The following USP40 variants were observed in gnomAD, a reference collection of about 807,000 sequenced individuals.
USP40 encodes ubiquitin carboxyl-terminal hydrolase 40.
A neutral mutation model predicts 166.2 loss-of-function variants in USP40; 143 were observed. The ratio of observed to expected loss-of-function variants is 0.86; its 90% confidence interval spans 0.75 to 0.99. The LOEUF is 0.99. Ranked by LOEUF, USP40 falls within the 50% of genes least tolerant of loss-of-function variation. The pLI is 0.00. For synonymous variants in USP40, 498 were observed against 524.0 expected (o/e 0.95, Z 0.68); for missense variants, 1,444 against 1,479.7 (o/e 0.98, Z 0.40).
chr2:233,491,936 T>C (rs2065375702), intron 25 of USP40, among the ~76,000 whole-genome samples: 1 of 152,224 alleles, frequency 6.6e-6, no homozygotes, highest in South Asian at 2.1e-4. Context: ...ATGCCACTAA[T>C]GCATAGCAAG....
chr2:233,554,306 G>T, intron 6 of USP40, 74 bp downstream of exon 6: 1 of 1,418,812 alleles, frequency 7.0e-7, no homozygotes, highest in South Asian at 1.8e-5. Context: ...ATATCCTCGA[G>T]ACTTTTTCAT....
intron 21 of USP40, among the ~76,000 whole-genome samples, chr2:233,506,321 C>G (rs985199766): frequency 6.6e-6 from 1 of 152,120 alleles, no homozygotes; most frequent in Non-Finnish European, 1.5e-5. Flanking sequence ...ACTAGATTCC[C>G]TAACTCTCAC....
At chr2:233,517,542 G>A (rs1461430675) in intron 18 of USP40, among the ~76,000 whole-genome samples, 3 of 152,004 alleles carry the variant, frequency 2.0e-5, no homozygotes, top group African/African-American at 7.3e-5. Flanking sequence ...ACACCACCAC[G>A]CCTGGCTAAT....
chr2:233,523,039 T>G, intron 16 of USP40, 131 bp downstream of exon 16: 1 of 1,059,816 alleles, frequency 9.4e-7, no homozygotes, highest in Non-Finnish European at 1.3e-6. Context: ...GTATGCAATA[T>G]TTAGAACATA....
Position 233,491,220 on chromosome 2 carries a change from A to G in USP40, c.2959T>C (p.Leu987=), listed in dbSNP as rs571513214. Residue 987 remains leucine (L), a synonymous_variant, in exon 26 of 32, where the codon TTG becomes CTG. Coordinates refer to ENST00000678225, the MANE Select transcript of USP40 (RefSeq NM_001365479.2). ...NEPAQVSLLY[L]GDIEISEDAT... is the part of the protein sequence containing the mutation. ...TCTTCTGAGATCTCTATGTCTCCCA[A>G]GTAGAGGAGAGAAACTTGCGCAGGC... is the stretch of plus-strand genomic sequence containing the variant. The G allele has an allele frequency of 7.4e-6, 12 of 1,612,290 alleles. No individual in the cohort carries two copies. The East Asian group carries it at 2.5e-4, about 33-fold the overall frequency.
intron 30 of USP40, among the ~76,000 whole-genome samples, chr2:233,484,838 G>A (rs2125041290): frequency 6.6e-6 from 1 of 152,236 alleles, no homozygotes; most frequent in African/African-American, 2.4e-5. Flanking sequence ...TTCTTTTACT[G>A]CTCTTTCAAT....
At chr2:233,508,259 C>G (rs2066564983) in intron 21 of USP40, among the ~76,000 whole-genome samples, 1 of 152,202 alleles carries the variant, frequency 6.6e-6, no homozygotes, top group Non-Finnish European at 1.5e-5. Context: ...TCTACTTTCT[C>G]TTAAATTATT....
chr2:233,488,075 GC>G, intron 28 of USP40, 163 bp downstream of exon 28: 2 of 729,678 alleles, frequency 2.7e-6, no homozygotes, highest in Middle Eastern at 2.3e-4. Flanking sequence ...AGTTTTAGAT[GC>G]CCAGACATAC....
chr2:233,527,273 C>G lies in USP40; in HGVS notation c.1725+134G>C, dbSNP rs1559255581. 4 of 1,014,138 alleles carry G rather than the reference C, an allele frequency of 3.9e-6. No homozygotes were observed. In the Admixed American group the frequency reaches 9.1e-5, roughly 23 times the overall value. The allele number at this position is 1,014,138 out of a possible 1,614,324, so 62.8% of individuals were successfully genotyped here. ...AGGAGAGAAGATTTGGGTCAACCCT[C>G]TATGAAGTGGCAGATGTCAGATCTT... is the stretch of plus-strand genomic sequence containing the variant. On this transcript the variant is annotated intron_variant, in intron 13 of 31. Coordinates refer to ENST00000678225, the MANE Select transcript of USP40 (RefSeq NM_001365479.2).
At chr2:233,524,167 T>G (rs2067853368) in intron 15 of USP40, among the ~76,000 whole-genome samples, 1 of 152,182 alleles carries the variant, frequency 6.6e-6, no homozygotes, top group African/African-American at 2.4e-5. Flanking sequence ...TCTTGCCCTG[T>G]CACCCAGGCT....
intron 21 of USP40, 78 bp downstream of exon 21, chr2:233,509,971 A>G (rs1575259509): frequency 5.1e-6 from 6 of 1,169,074 alleles, no homozygotes; most frequent in Admixed American, 2.0e-5. Context: ...TCCAAATCTT[A>G]ACACAGGATA....
chr2:233,501,800 G>A (rs990164173), intron 21 of USP40, among the ~76,000 whole-genome samples: 5 of 152,240 alleles, frequency 3.3e-5, no homozygotes, highest in Admixed American at 2.6e-4. Context: ...GAGCTTTACT[G>A]TGAATATGTT....
intron 8 of USP40, among the ~76,000 whole-genome samples, chr2:233,545,331 T>A (rs899429843): frequency 1.3e-5 from 2 of 152,206 alleles, no homozygotes; most frequent in Admixed American, 1.3e-4. Flanking sequence ...TATGACAAGT[T>A]GATCCAGATG....
chr2:233,553,229 C>T (rs1015161602), intron 6 of USP40, among the ~76,000 whole-genome samples: 9 of 151,952 alleles, frequency 5.9e-5, no homozygotes, highest in Non-Finnish European at 8.8e-5. Context: ...ATTGGTAATG[C>T]TTTTGGTGGA....
intron 25 of USP40, among the ~76,000 whole-genome samples, chr2:233,491,707 C>A (rs1461027503): frequency 2.0e-5 from 3 of 152,102 alleles, no homozygotes; most frequent in African/African-American, 7.2e-5. Flanking sequence ...GGCAGGCCAT[C>A]TATCTTGTCT....
Position 233,496,770 on chromosome 2 carries a change from T to C in USP40, c.2778A>G (p.Gln926=), listed in dbSNP as rs371846425. 12 of 1,612,338 alleles carry C rather than the reference T, an allele frequency of 7.4e-6. No homozygotes were observed. The highest frequency in any genetic ancestry group is 6.7e-5 in the African/African-American group (5 of 74,868). Residue 926 remains glutamine, a synonymous_variant, in exon 24 of 32, where the codon CAA becomes CAG. Transcript: ENST00000678225. ...AGTAAAATCTTACCAGAGGAGGAAG[T>C]TGTCCTTCAATTAAAAGCAAAGTAT... ...SGDTLLLIEG[Q]LPPLGFLKVP... is the part of the protein sequence containing the mutation.
intron 24 of USP40, among the ~76,000 whole-genome samples, chr2:233,496,267 G>A (rs768811): frequency 0.69 from 104,895 of 152,150 alleles, 37,013 homozygotes; most frequent in African/African-American, 0.86. Flanking sequence ...AGTGCTATGC[G>A]ATGCTTACGA....
intron 8 of USP40, among the ~76,000 whole-genome samples, chr2:233,544,948 T>C (rs925643242): frequency 6.6e-6 from 1 of 152,190 alleles, no homozygotes; most frequent in Non-Finnish European, 1.5e-5. Flanking sequence ...TTGATGTTGT[T>C]AAGGGCTGGT....
chr2:233,488,288 G>A lies in USP40; in HGVS notation c.3148C>T (p.Arg1050Trp), dbSNP rs759305013. 58 of 1,600,714 alleles carry A rather than the reference G, an allele frequency of 3.6e-5. No individual in the cohort carries two copies. Among genetic ancestry groups the A allele is most frequent in the Non-Finnish European group, 3.9e-5 (46 of 1,172,920 alleles). ...RQPLREYKLG[R>W]RIEICLEPLQ... is the part of the protein sequence containing the mutation. ...GGCTCTAAGCAGATCTCAATTCTCC[G>A]TCCTAGTTTATATTCCCTGATAATA... Residue 1050 changes from arginine (R) to tryptophan (W), a missense_variant, in exon 28 of 32, where the codon CGG (arginine) becomes TGG (tryptophan). Coordinates refer to ENST00000678225, the MANE Select transcript of USP40 (RefSeq NM_001365479.2).
Sources: gnomAD v4.1 joint callset for allele counts (sites outside exome capture counted in the v4.1 genomes callset) on GRCh38, gnomAD v4.1.1 for gene constraint, MANE v1.5 for transcripts, NCBI Gene and HGNC (gene_info 2026-07-23, HGNC 2026-07-21) for gene names.